Variants in TMCC1 observed in about 807,000 individuals in gnomAD.
TMCC1 encodes the protein transmembrane and coiled-coil domain family 1.
A neutral mutation model predicts 52.4 loss-of-function variants in TMCC1; 15 were observed. The observed-to-expected ratio is 0.29, with a 90% CI of 0.19 to 0.44. TMCC1 has a LOEUF of 0.44. Ranked by LOEUF, TMCC1 falls within the 20% of genes least tolerant of loss-of-function variation. The pLI, the probability that TMCC1 is intolerant of heterozygous loss-of-function variation, is 1.00. For synonymous variants in TMCC1, 279 were observed against 301.9 expected (o/e 0.92, Z 0.79); for missense variants, 503 against 806.0 (o/e 0.62, Z 4.55).
intron 4 of TMCC1, among the ~76,000 whole-genome samples, chr3:129,767,388 A>G (rs1232517690): frequency 6.6e-6 from 1 of 151,090 alleles, no homozygotes; most frequent in Admixed American, 6.6e-5. Flanking sequence ...TTTTTTTTTA[A>G]ATTGGAGACG....
At chr3:129,799,954 T>C (rs1056567367) in intron 4 of TMCC1, among the ~76,000 whole-genome samples, 2 of 152,284 alleles carry the variant, frequency 1.3e-5, no homozygotes, top group East Asian at 1.9e-4. Context: ...GCCATAAACA[T>C]ATAAAGATAT....
intron 4 of TMCC1, among the ~76,000 whole-genome samples, chr3:129,721,590 G>A (rs1365918040): frequency 6.6e-6 from 1 of 151,622 alleles, no homozygotes; most frequent in African/African-American, 2.4e-5. Context: ...GCCGGGTGTA[G>A]TGGCTCATGT....
At chr3:129,758,631 TTA>T (rs1206449184) in intron 4 of TMCC1, among the ~76,000 whole-genome samples, 1 of 152,220 alleles carries the variant, frequency 6.6e-6, no homozygotes, top group Non-Finnish European at 1.5e-5. Flanking sequence ...TTATTTCCTT[TTA>T]TGTCTTCCCA....
chr3:129,818,978 G>GT (rs1388945187), intron 4 of TMCC1: 13 of 153,056 alleles, frequency 8.5e-5, no homozygotes, highest in Non-Finnish European at 1.0e-4. Flanking sequence ...ATCACAACCA[G>GT]TTACAGATTT....
Position 129,671,262 on chromosome 3 carries a change from G to A in TMCC1, c.579C>T (p.Ile193=), listed in dbSNP as rs564523106. 77 of 1,604,136 alleles carry A rather than the reference G, an allele frequency of 4.8e-5. No individual in the cohort carries two copies. The highest frequency in any genetic ancestry group is 8.9e-5 in the South Asian group (8 of 90,048). ...CAAGGCTGCTTACTTCCAACCGTTC[G>A]ATCTAGTGTAAAAACAAGAGGTACA... ...LPGEEGTAER[I]ERLEVSSLAQ... Residue 193 remains isoleucine (I), a splice_region_variant and synonymous_variant, in exon 5 of 7, where the codon ATC becomes ATT. Coordinates refer to ENST00000393238, the MANE Select transcript of TMCC1 (RefSeq NM_001017395.5).
At chr3:129,785,746 A>G (rs72985374) in intron 4 of TMCC1, among the ~76,000 whole-genome samples, 1 of 152,246 alleles carries the variant, frequency 6.6e-6, no homozygotes, top group African/African-American at 2.4e-5. Flanking sequence ...TTAATTGATA[A>G]TATTAGGCAA....
intron 4 of TMCC1, among the ~76,000 whole-genome samples, chr3:129,759,268 CTTT>C (rs1391292529): frequency 3.6e-5 from 5 of 139,874 alleles, no homozygotes; most frequent in Admixed American, 1.4e-4. Flanking sequence ...TAATTCATGA[CTTT>C]TTTTTTTTTT....
intron 4 of TMCC1, among the ~76,000 whole-genome samples, chr3:129,807,388 G>GT (rs954190662): frequency 4.5e-4 from 69 of 152,048 alleles, no homozygotes; most frequent in African/African-American, 1.7e-3. Context: ...ATTGAAAGAA[G>GT]TTTTTTAAAA....
At chr3:129,795,347 C>T (rs1186862275) in intron 4 of TMCC1, among the ~76,000 whole-genome samples, 2 of 152,232 alleles carry the variant, frequency 1.3e-5, no homozygotes, top group Non-Finnish European at 2.9e-5. Flanking sequence ...CAGACAACCA[C>T]TGTGAGGATA....
chr3:129,774,865 A>G (rs953359976), intron 4 of TMCC1, among the ~76,000 whole-genome samples: 2 of 152,228 alleles, frequency 1.3e-5, no homozygotes, highest in Non-Finnish European at 2.9e-5. Context: ...CAGGTCATAA[A>G]GAATCTCTAC....
At chr3:129,654,019 C>T (rs2086516795) in intron 6 of TMCC1, among the ~76,000 whole-genome samples, 1 of 152,144 alleles carries the variant, frequency 6.6e-6, no homozygotes, top group Admixed American at 6.5e-5. Context: ...CTAATTCCCA[C>T]ACCTCCCCCC....
intron 4 of TMCC1, among the ~76,000 whole-genome samples, chr3:129,682,720 A>C (rs1365698910): frequency 1.6e-4 from 25 of 152,184 alleles, no homozygotes; most frequent in Non-Finnish European, 1.9e-4. Flanking sequence ...CTAAGCATTC[A>C]ATGTCCTCGC....
intron 4 of TMCC1, among the ~76,000 whole-genome samples, chr3:129,741,551 C>A (rs560494651): frequency 1.1e-4 from 17 of 152,158 alleles, no homozygotes; most frequent in Non-Finnish European, 2.4e-4. Context: ...CACTAACAAT[C>A]TTTCTACTAC....
At chr3:129,820,163 A>C (rs949268966) in intron 4 of TMCC1, among the ~76,000 whole-genome samples, 2 of 150,056 alleles carry the variant, frequency 1.3e-5, no homozygotes, top group Non-Finnish European at 3.0e-5. Context: ...CAAAAGCATG[A>C]CTTCTAGAGC....
chr3:129,801,273 C>G (rs2057175881), intron 4 of TMCC1, among the ~76,000 whole-genome samples: 1 of 151,816 alleles, frequency 6.6e-6, no homozygotes, highest in African/African-American at 2.4e-5. Flanking sequence ...CCCATATTAT[C>G]TATGACCTCC....
chr3:129,846,013 AAC>A (rs1230911695), intron 2 of TMCC1, among the ~76,000 whole-genome samples: 1 of 152,030 alleles, frequency 6.6e-6, no homozygotes, highest in Non-Finnish European at 1.5e-5. Context: ...CAACCTGGGC[AAC>A]AGAGTGAGAC....
At chr3:129,869,999 C>A (rs1329845953) in intron 2 of TMCC1, among the ~76,000 whole-genome samples, 3 of 152,162 alleles carry the variant, frequency 2.0e-5, no homozygotes, top group African/African-American at 4.8e-5. Context: ...TAAATCCCTG[C>A]CAACTTCTAC....
intron 4 of TMCC1, among the ~76,000 whole-genome samples, chr3:129,684,742 T>C (rs1305100756): frequency 6.6e-6 from 1 of 152,222 alleles, no homozygotes; most frequent in Non-Finnish European, 1.5e-5. Context: ...ATTCTGCATA[T>C]GAAAGGAAAA....
At chr3:129,678,075 A>G (rs1219128990) in intron 4 of TMCC1, among the ~76,000 whole-genome samples, 1 of 151,786 alleles carries the variant, frequency 6.6e-6, no homozygotes, top group Non-Finnish European at 1.5e-5. Flanking sequence ...TTATAGGTGT[A>G]TGCCACCACA....
Sources: gnomAD v4.1 joint callset for allele counts (sites outside exome capture counted in the v4.1 genomes callset) on GRCh38, gnomAD v4.1.1 for gene constraint, MANE v1.5 for transcripts, NCBI Gene and HGNC (gene_info 2026-07-23, HGNC 2026-07-21) for gene names.